The following ACSM3 variants were observed in gnomAD, a reference collection of about 807,000 sequenced individuals.
ACSM3 encodes acyl-coenzyme A synthetase ACSM3, mitochondrial.
In ACSM3, 61 loss-of-function variants were observed where a neutral mutation model predicts 74.1. The ratio of observed to expected loss-of-function variants is 0.82; its 90% CI spans 0.67 to 1.02. ACSM3 has a LOEUF of 1.02. ACSM3 is among the 50% of genes least tolerant of loss of function. The pLI is 0.00. For synonymous variants in ACSM3, 213 were observed against 241.5 expected, an observed-to-expected ratio of 0.88 and a Z score of 1.09; for missense variants, 660 against 697.0, an observed-to-expected ratio of 0.95 and a Z score of 0.60.
Position 20,780,799 on chromosome 16 carries a change from C to CT in ACSM3, c.724_725insT (p.Pro242LeufsTer46), listed in dbSNP as rs2080335304. 39 of 1,614,072 alleles carry CT rather than the reference C, an allele frequency of 2.4e-5. No homozygotes were observed. The highest frequency in any genetic ancestry group is 3.2e-5 in the Non-Finnish European group (38 of 1,180,056). Reference sequence around the variant, plus strand: ...CTTTACCAGTGGAACAAGTGGATATCCGAAAATGACTGCACACACCCACAG... The same window carrying CT: ...CTTTACCAGTGGAACAAGTGGATATCTCGAAAATGACTGCACACACCCACAG... On this transcript the variant is annotated frameshift_variant, in exon 5 of 14. Coordinates refer to ENST00000289416, the MANE Select transcript of ACSM3 (RefSeq NM_005622.4). LOFTEE classifies it high-confidence loss of function.
chr16:20,706,263 G>C (rs918916689), intron 1 of ACSM3, among the ~76,000 whole-genome samples: 2 of 151,992 alleles, frequency 1.3e-5, no homozygotes, highest in Admixed American at 1.3e-4. Flanking sequence ...CAATACTTAG[G>C]CATGTCATAA....
In ACSM3 at chr16:20,794,398, C is replaced by G. The variant is rs1405346824; in HGVS notation, c.1555-1972C>G. ...AGACTTATGCAGTGATGGAAATGTTCTATATTTGCACCATCCAATGCGATA... is the reference window on the plus strand; with the variant it reads ...AGACTTATGCAGTGATGGAAATGTTGTATATTTGCACCATCCAATGCGATA... On this transcript the variant is annotated intron_variant, in intron 12 of 13. Transcript: ENST00000289416. Among the ~76,000 whole-genome samples, 3 of 152,222 alleles carry G rather than the reference C, an allele frequency of 2.0e-5. No homozygotes were observed. In the East Asian group the frequency reaches 5.8e-4, roughly 29 times the overall value.
Position 20,781,092 on chromosome 16 carries a change from C to T in ACSM3, c.901C>T (p.His301Tyr). The T allele has an allele frequency of 2.5e-6, 4 of 1,614,140 alleles. No individual in the cohort carries two copies. The highest frequency in any genetic ancestry group is 1.1e-5 in the South Asian group (1 of 91,082). Residue 301 changes from histidine to tyrosine, a missense_variant, in exon 6 of 14, where the codon CAC becomes TAC. Transcript: ENST00000289416. ...GATCCAGGGAGCATGTGTATTCACA[C>T]ACCATTTACCCCGTTTTGAGCCGAC... ...PWIQGACVFT[H>Y]HLPRFEPTSI...
upstream of ACSM3, among the ~76,000 whole-genome samples, chr16:20,759,359 C>T (rs1353277904): frequency 2.6e-5 from 4 of 152,028 alleles, no homozygotes; most frequent in East Asian, 7.7e-4. Flanking sequence ...AGATCGAGAC[C>T]ATCTTGGCTA....
chr16:20,689,057 A>G (rs1344392468), intron 1 of ACSM3, among the ~76,000 whole-genome samples: 1 of 150,090 alleles, frequency 6.7e-6, no homozygotes, highest in Non-Finnish European at 1.5e-5. Flanking sequence ...AATGTTAATT[A>G]AGCAATATAC....
At chr16:20,796,581 A>G (rs1360610334) in intron 13 of ACSM3, 92 bp downstream of exon 13, 1 of 1,575,602 alleles carries the variant, frequency 6.3e-7, no homozygotes, top group Non-Finnish European at 8.6e-7. Context: ...TTCTTCACAC[A>G]TGCTGCACCA....
chr16:20,796,863 T>C, intron 13 of ACSM3, 23 bp from the exon 14 acceptor site: 2 of 1,608,320 alleles, frequency 1.2e-6, no homozygotes, highest in Non-Finnish European at 1.7e-6. Flanking sequence ...CCAGGCTAAT[T>C]TTCTTCCCCT....
intron 1 of ACSM3, chr16:20,736,673 G>T: frequency 1.8e-6 from 1 of 553,866 alleles, no homozygotes; most frequent in Non-Finnish European, 3.2e-6. Context: ...AGCAGCACAT[G>T]GGTCTGCCTC....
At chr16:20,723,836 T>A (rs1338539636) in intron 1 of ACSM3, among the ~76,000 whole-genome samples, 1 of 152,254 alleles carries the variant, frequency 6.6e-6, no homozygotes, top group Non-Finnish European at 1.5e-5. Flanking sequence ...AGGTTGCCTG[T>A]TCACTCTGAT....
At position 20,781,692 on chromosome 16, in the gene ACSM3, T is replaced by C; in HGVS notation, c.940-16T>C. ...AGTTGTAGTAAGACCAAGAGTTTGC[T>C]TTTTCTAAATTGCAGACACTCTCCA... On this transcript the variant is annotated splice_polypyrimidine_tract_variant and intron_variant, in intron 6 of 13. Coordinates refer to ENST00000289416, the MANE Select transcript of ACSM3 (RefSeq NM_005622.4). 1 of 1,600,152 alleles carries C rather than the reference T, an allele frequency of 6.2e-7. No individual in the cohort carries two copies. The highest frequency in any genetic ancestry group is 8.6e-7 in the Non-Finnish European group (1 of 1,167,426).
At chr16:20,720,733 A>G (rs1030675846) in intron 1 of ACSM3, among the ~76,000 whole-genome samples, 46 of 152,372 alleles carry the variant, frequency 3.0e-4, no homozygotes, top group African/African-American at 1.1e-3. Context: ...TTGTAAAATA[A>G]GAAGATTTTT....
At chr16:20,771,200 T>C (rs887184729) in intron 2 of ACSM3, among the ~76,000 whole-genome samples, 1 of 152,136 alleles carries the variant, frequency 6.6e-6, no homozygotes, top group South Asian at 2.1e-4. Context: ...TAGCCGGGAC[T>C]ACAGGCACCT....
At chr16:20,770,274 A>C (rs755398261) in intron 2 of ACSM3, 21 bp downstream of exon 2, 1 of 1,594,314 alleles carries the variant, frequency 6.3e-7, no homozygotes, top group African/African-American at 1.3e-5. Flanking sequence ...AGGGCCAGTC[A>C]GACCACAATT....
intron 1 of ACSM3, chr16:20,698,738 A>C (rs1161066912): frequency 6.6e-6 from 1 of 151,914 alleles, no homozygotes; most frequent in Non-Finnish European, 1.5e-5. Flanking sequence ...TGAGCTCTTG[A>C]CCTCAGGTGA....
intron 1 of ACSM3, chr16:20,729,434 AGGCTTCTTTTCCTTTTC>A: frequency 1.2e-6 from 1 of 831,792 alleles, no homozygotes; most frequent in Non-Finnish European, 2.0e-6. Flanking sequence ...TGGTGGTCAA[AGGCTTCTTTTCCTTTTC>A]AGGTACCGTA....
intron 1 of ACSM3, chr16:20,733,048 T>G (rs1044747858): frequency 1.3e-5 from 2 of 153,328 alleles, no homozygotes; most frequent in Non-Finnish European, 2.9e-5. Context: ...GATTTGTTCC[T>G]GATAATTCAG....
chr16:20,719,216 A>C (rs549367837), intron 1 of ACSM3: 1 of 172,114 alleles, frequency 5.8e-6, no homozygotes, highest in Non-Finnish European at 1.4e-5. Context: ...TGGCTTCTTC[A>C]TATCATTTAG....
chr16:20,692,439 C>T (rs1184248343), intron 1 of ACSM3, among the ~76,000 whole-genome samples: 1 of 152,098 alleles, frequency 6.6e-6, no homozygotes, highest in African/African-American at 2.4e-5. Context: ...TATTTGAAGA[C>T]CTGGGATTAA....
chr16:20,733,324 C>G (rs912530045), intron 1 of ACSM3, among the ~76,000 whole-genome samples: 3 of 151,762 alleles, frequency 2.0e-5, no homozygotes, highest in Non-Finnish European at 4.4e-5. Flanking sequence ...CCTAAATGTT[C>G]AAGACAATTT....
Sources: allele counts gnomAD v4.1 joint callset (sites outside exome capture counted in the v4.1 genomes callset), GRCh38; gene constraint gnomAD v4.1.1; transcripts MANE v1.5; gene names NCBI Gene and HGNC (gene_info 2026-07-23, HGNC 2026-07-21).